The following ANKLE2 variants were observed in gnomAD, a reference collection of about 807,000 sequenced individuals.
ANKLE2 encodes the protein ankyrin repeat and LEM domain containing 2.
In ANKLE2, 55 loss-of-function variants were observed where a neutral mutation model predicts 84.2. The observed-to-expected ratio is 0.65, with a 90% CI of 0.53 to 0.82. ANKLE2 has a LOEUF of 0.82. ANKLE2 is among the 40% of genes least tolerant of loss of function. ANKLE2 has a pLI of 0.00. For synonymous variants in ANKLE2, 551 were observed against 486.1 expected, an observed-to-expected ratio of 1.13 and a Z score of -1.76; for missense variants, 1,238 against 1,201.9, an observed-to-expected ratio of 1.03 and a Z score of -0.44.
In ANKLE2 at chr12:132,729,926, G is replaced by A. The variant is rs371204974; in HGVS notation, c.2236C>T (p.Arg746Cys). Residue 746 changes from arginine (R) to cysteine (C), a missense_variant, in exon 11 of 13, where the codon CGT becomes TGT. By Grantham distance (180) the Arg-to-Cys change is radical. This residue lies in a region of ANKLE2 where 802 missense variants were observed against 774.5 expected (regional missense o/e 1.04). Coordinates refer to ENST00000357997, the MANE Select transcript of ANKLE2 (RefSeq NM_015114.3). Reference sequence around the variant, plus strand: ...TCATCTGGTGTCTTGGAAACGCTACGTCCTATATTTTGCAAATTCAGTTTA... The same window carrying A: ...TCATCTGGTGTCTTGGAAACGCTACATCCTATATTTTGCAAATTCAGTTTA... ...FDKLNLQNIG[R>C]SVSKTPDEST... is the part of the protein sequence containing the mutation. 2.6e-4 allele frequency: 424 copies of A among 1,613,476 alleles called. No homozygotes were observed. Among genetic ancestry groups the A allele is most frequent in the Admixed American group, 3.8e-4 (23 of 59,988 alleles).
intron 2 of ANKLE2, among the ~76,000 whole-genome samples, chr12:132,753,764 A>C (rs1387914369): frequency 1.3e-5 from 2 of 151,004 alleles, no homozygotes; most frequent in African/African-American, 2.4e-5. Flanking sequence ...AAAACAAAAC[A>C]AAAAAAAACC....
Position 132,729,943 on chromosome 12 carries a change from T to A in ANKLE2, c.2219A>T (p.Asn740Ile). ...SDLTVEFDKLNLQNIGRSVSK... is the reference protein window; with the variant it reads ...SDLTVEFDKLILQNIGRSVSK... ...AACGCTACGTCCTATATTTTGCAAA[T>A]TCAGTTTATCAAACTCAACAGTCAA... The change falls in exon 11 of 13, where the codon AAT becomes ATT. Residue 740 changes from asparagine to isoleucine, a missense_variant. Transcript: ENST00000357997. 6.2e-7 allele frequency: 1 copy of A among 1,613,518 alleles called. No individual in the cohort carries two copies. The highest frequency in any genetic ancestry group is 8.5e-7 in the Non-Finnish European group (1 of 1,179,898).
chr12:132,761,646 CG>C lies in ANKLE2; in HGVS notation c.152del (p.Pro51ArgfsTer13). The part of the protein sequence containing the change: ...GLGRSGTPVP[P>X]PSAAAAPASG... ...AGGCGGGGGCGGCGGCCGCGCTTGG[CG>C]GAGGAACTGGGGTCCCGCTGCGGCC... is the stretch of plus-strand genomic sequence containing the variant. On this transcript the variant is annotated frameshift_variant, in exon 1 of 13. Coordinates refer to ENST00000357997, the MANE Select transcript of ANKLE2 (RefSeq NM_015114.3). LOFTEE classifies it high-confidence loss of function. 1 of 1,268,336 alleles carries C rather than the reference CG, an allele frequency of 7.9e-7. No homozygotes were observed. The highest frequency in any genetic ancestry group is 9.9e-7 in the Non-Finnish European group (1 of 1,008,416). 78.6% of individuals were successfully genotyped at this position (1,268,336 alleles called of 1,614,324 possible).
chr12:132,752,728 A>G (rs576299077), intron 2 of ANKLE2, among the ~76,000 whole-genome samples: 23 of 152,210 alleles, frequency 1.5e-4, no homozygotes, highest in Non-Finnish European at 2.8e-4. Flanking sequence ...ATAGTGTTTA[A>G]CCAATTATGT....
chr12:132,756,265 G>T (rs2044481063), intron 1 of ANKLE2: 2 of 152,018 alleles, frequency 1.3e-5, no homozygotes, highest in Non-Finnish European at 2.9e-5. Context: ...AGCTACTCGG[G>T]AGGCTGAGGC....
chr12:132,746,348 C>CAAAAAAAAAAAAAAAA lies in ANKLE2; in HGVS notation c.1230+1468_1230+1483dup, dbSNP rs566130639. ...TGGGAGACAGAGCAAGACTCTGTCT[C>CAAAAAAAAAAAAAAAA]AAAAAAAAAAAAAAAAAAAGAATCA... On this transcript the variant is annotated intron_variant, in intron 5 of 12. Transcript: ENST00000357997. 2.1e-3 allele frequency among the ~76,000 whole-genome samples: 139 copies of CAAAAAAAAAAAAAAAA among 66,468 alleles called. 5 individuals are homozygous for CAAAAAAAAAAAAAAAA. Among genetic ancestry groups the CAAAAAAAAAAAAAAAA allele is most frequent in the African/African-American group, 7.2e-3 (128 of 17,814 alleles). 43.6% of individuals were successfully genotyped at this position (66,468 alleles called of 152,430 possible). A position where few individuals can be genotyped will look rare whatever the true frequency, so the allele number is the denominator to read the frequency against.
chr12:132,742,648 G>A lies in ANKLE2; in HGVS notation c.1353+506C>T, dbSNP rs150981474. 3.7e-5 allele frequency: 5 copies of A among 134,086 alleles called. No homozygotes were observed. In the East Asian group the frequency reaches 1.2e-3, roughly 32 times the overall value. 8.3% of individuals were successfully genotyped at this position (134,086 alleles called of 1,614,324 possible). On this transcript the variant is annotated intron_variant, in intron 6 of 12. Coordinates refer to ENST00000357997, the MANE Select transcript of ANKLE2 (RefSeq NM_015114.3). The stretch of plus-strand genomic sequence containing the variant: ...TGTGAGAAGCTTAGCACAGCACCTG[G>A]TGCACACTGAGCTGAATACAATTTA...
In ANKLE2 at chr12:132,755,161, G is replaced by C. The variant is rs765060309; in HGVS notation, c.182-28C>G. On this transcript the variant is annotated intron_variant, in intron 1 of 12. Coordinates refer to ENST00000357997, the MANE Select transcript of ANKLE2 (RefSeq NM_015114.3). The stretch of plus-strand genomic sequence containing the variant: ...AGGCCCAAGACAAAAAAATCAAAGA[G>C]TCACAAAATACTAACACCTGCTGAA... The C allele has an allele frequency of 5.1e-5, 80 of 1,562,240 alleles. 1 individual carries two copies. The highest frequency in any genetic ancestry group is 6.0e-6 in the Non-Finnish European group (7 of 1,160,040).
In ANKLE2 at chr12:132,747,828, G is replaced by A. The variant is rs762694884; in HGVS notation, c.1230+4C>T. 11 of 1,591,990 alleles carry A rather than the reference G, an allele frequency of 6.9e-6. No homozygotes were observed. The highest frequency in any genetic ancestry group is 1.2e-5 in the South Asian group (1 of 86,300). On this transcript the variant is annotated splice_donor_region_variant and intron_variant, in intron 5 of 12. Transcript: ENST00000357997. ...GAAAGCGTGAGTGGAGGGTGTGCAC[G>A]CACCATCTTGTCGGGGGTGTTGAGG...
At chr12:132,740,760 G>A (rs1335015881) in intron 7 of ANKLE2, among the ~76,000 whole-genome samples, 1 of 151,718 alleles carries the variant, frequency 6.6e-6, no homozygotes, top group South Asian at 2.1e-4. Flanking sequence ...AAACCGCAAG[G>A]CACAGGGGCC....
intron 7 of ANKLE2, chr12:132,738,977 G>C (rs1222402934): frequency 6.6e-6 from 1 of 152,190 alleles, no homozygotes; most frequent in African/African-American, 2.4e-5. Context: ...GCTGGAGCTG[G>C]AGGCCATGAC....
intron 6 of ANKLE2, chr12:132,741,872 G>T (rs1035951329): frequency 2.2e-6 from 1 of 463,050 alleles, no homozygotes; most frequent in Non-Finnish European, 4.3e-6. Context: ...TTGTTGTGAG[G>T]CTGGGTCAAG....
chr12:132,728,227 C>G, intron 11 of ANKLE2, 64 bp from the exon 12 acceptor site: 2 of 1,580,066 alleles, frequency 1.3e-6, no homozygotes, highest in South Asian at 2.3e-5. Flanking sequence ...TCTAAAATAC[C>G]ACTACTTTTT....
chr12:132,727,981 A>C, intron 12 of ANKLE2, 51 bp downstream of exon 12: 1 of 1,566,526 alleles, frequency 6.4e-7, no homozygotes, highest in South Asian at 1.2e-5. Flanking sequence ...GACCCTGCAG[A>C]AGTTTCCAAA....
At chr12:132,739,541 T>C (rs1251428041) in intron 7 of ANKLE2, among the ~76,000 whole-genome samples, 2 of 152,236 alleles carry the variant, frequency 1.3e-5, no homozygotes, top group African/African-American at 4.8e-5. Flanking sequence ...ACTTTACTCA[T>C]AAAATACTAA....
intron 10 of ANKLE2, chr12:132,733,984 T>C (rs1040143140): frequency 2.2e-6 from 1 of 458,940 alleles, no homozygotes; most frequent in African/African-American, 2.0e-5. Flanking sequence ...ACACAACCCA[T>C]TTAACATTAA....
At chr12:132,754,567 G>T in intron 2 of ANKLE2, 108 bp downstream of exon 2, 1 of 1,071,858 alleles carries the variant, frequency 9.3e-7, no homozygotes, top group Non-Finnish European at 1.3e-6. Context: ...AGATGGAGGG[G>T]ATTGGATTTT....
At position 132,761,742 on chromosome 12, in the gene ANKLE2, C is replaced by T; in HGVS notation, c.57G>A (p.Leu19=). 7.7e-7 allele frequency: 1 copy of T among 1,294,678 alleles called. No homozygotes were observed. The highest frequency in any genetic ancestry group is 9.9e-7 in the Non-Finnish European group (1 of 1,014,176). The allele number at this position is 1,294,678 out of a possible 1,614,324, so 80.2% of individuals were successfully genotyped here. The change falls in exon 1 of 13, where the codon CTG becomes CTA. Residue 19 remains leucine (L), a synonymous_variant. Coordinates refer to ENST00000357997, the MANE Select transcript of ANKLE2 (RefSeq NM_015114.3). The part of the protein sequence containing the change: ...AEWAALAWEL[L]GASVLLIAVR... ...CAGCGATCAGCAGCACCGAGGCGCC[C>T]AGCAGCTCCCAGGCCAGCGCCGCCC...
intron 10 of ANKLE2, chr12:132,730,651 G>A (rs868791929): frequency 3.1e-4 from 69 of 220,078 alleles, no homozygotes; most frequent in Middle Eastern, 1.6e-3. Context: ...GCGAAACCCC[G>A]TTCTCTATAG....
Sources: allele counts gnomAD v4.1 joint callset (sites outside exome capture counted in the v4.1 genomes callset), GRCh38; gene constraint gnomAD v4.1.1; regional missense constraint gnomAD v4.1.1; transcripts MANE v1.5; gene names NCBI Gene and HGNC (gene_info 2026-07-23, HGNC 2026-07-21).